The following SLC9C2 variants were observed in gnomAD, a reference collection of about 807,000 sequenced individuals.
SLC9C2 encodes solute carrier family 9 member C2 (putative), also known as sodium/hydrogen exchanger 11.
A neutral mutation model predicts 140.2 loss-of-function variants in SLC9C2; 75 were observed. That is an observed-to-expected ratio of 0.53 (90% CI 0.44 to 0.65). The LOEUF (loss-of-function observed/expected upper bound fraction) is 0.65, where lower values mean the gene tolerates loss of function less well. Ranked by LOEUF, SLC9C2 falls within the 30% of genes least tolerant of loss-of-function variation. SLC9C2 has a pLI of 0.00. For missense variants in SLC9C2, 1,074 were observed against 1,331.8 expected (o/e 0.81, Z 3.01); for synonymous variants, 375 against 420.9 (o/e 0.89, Z 1.34).
intron 9 of SLC9C2, among the ~76,000 whole-genome samples, chr1:173,558,852 C>G (rs753942215): frequency 6.6e-6 from 1 of 152,230 alleles, no homozygotes; most frequent in Non-Finnish European, 1.5e-5. Context: ...GGATAATTCC[C>G]TCCATTAAAG....
chr1:173,529,674 G>T (rs1277553114), intron 18 of SLC9C2, among the ~76,000 whole-genome samples: 1 of 150,000 alleles, frequency 6.7e-6, no homozygotes, highest in Non-Finnish European at 1.5e-5. Flanking sequence ...ACTCAGAAAA[G>T]AGATCATATG....
At chr1:173,580,780 G>T (rs950832054) in intron 7 of SLC9C2, among the ~76,000 whole-genome samples, 1 of 152,038 alleles carries the variant, frequency 6.6e-6, no homozygotes, top group South Asian at 2.1e-4. Flanking sequence ...AAAGCTCTTC[G>T]AGGACTAGTA....
In SLC9C2 at chr1:173,586,628, C is replaced by T. The variant is rs537116811; in HGVS notation, c.523+1037G>A. Among the ~76,000 whole-genome samples, 22 of 152,216 alleles carry T rather than the reference C, an allele frequency of 1.4e-4. No individual in the cohort carries two copies. The South Asian group carries it at 2.9e-3, about 20-fold the overall frequency. On this transcript the variant is annotated intron_variant, in intron 5 of 27. Transcript: ENST00000367714. Reference sequence around the variant, plus strand: ...ACAATAGCAAAGACATGGAACCAACCCAAATGCCCATCCATGATAGACTGG... The same window carrying T: ...ACAATAGCAAAGACATGGAACCAACTCAAATGCCCATCCATGATAGACTGG...
intron 22 of SLC9C2, among the ~76,000 whole-genome samples, chr1:173,519,296 G>C (rs1660639301): frequency 6.6e-6 from 1 of 152,064 alleles, no homozygotes; most frequent in Admixed American, 6.6e-5. Context: ...GAAGAAGCAA[G>C]GACTTCTGTT....
intron 9 of SLC9C2, among the ~76,000 whole-genome samples, chr1:173,565,483 G>A (rs1344713144): frequency 2.0e-5 from 3 of 152,078 alleles, no homozygotes; most frequent in African/African-American, 7.2e-5. Flanking sequence ...TCCAATATAC[G>A]TTCTTGTCAC....
Position 173,576,766 on chromosome 1 carries a change from G to T in SLC9C2, c.803-6C>A. On this transcript the variant is annotated splice_polypyrimidine_tract_variant and splice_region_variant and intron_variant, in intron 7 of 27. Coordinates refer to ENST00000367714, the MANE Select transcript of SLC9C2 (RefSeq NM_178527.4). ...TGACATTCCTAAAAATTCCACTGGG[G>T]AGAAAAAAAAAACAAATGAATCAAA... 6.4e-7 allele frequency: 1 copy of T among 1,550,840 alleles called. No individual in the cohort carries two copies.
At chr1:173,570,161 GGTACC>G (rs1454377304) in intron 9 of SLC9C2, among the ~76,000 whole-genome samples, 1 of 152,112 alleles carries the variant, frequency 6.6e-6, no homozygotes, top group Non-Finnish European at 1.5e-5. Context: ...TGGCCAAGCT[GGTACC>G]TGAAGCCAGC....
At chr1:173,594,645 T>A (rs182633763) in intron 4 of SLC9C2, among the ~76,000 whole-genome samples, 1 of 152,234 alleles carries the variant, frequency 6.6e-6, no homozygotes, top group African/African-American at 2.4e-5. Flanking sequence ...TCAGGGATGG[T>A]AGTATTATGT....
chr1:173,535,702 A>C, intron 15 of SLC9C2, 128 bp downstream of exon 15: 1 of 1,136,016 alleles, frequency 8.8e-7, no homozygotes, highest in Non-Finnish European at 1.2e-6. Flanking sequence ...AGCAAGCACC[A>C]CCCAATCAGT....
intron 21 of SLC9C2, among the ~76,000 whole-genome samples, 198 bp downstream of exon 21, chr1:173,523,771 C>T (rs79449051): frequency 1.3e-5 from 2 of 152,166 alleles, no homozygotes; most frequent in South Asian, 4.1e-4. Context: ...AGCGGATAAG[C>T]CATTGTGAAA....
rs765809379 is a variant in SLC9C2, at chr1:173,557,409, T to C, written c.1146A>G (p.Gly382=). The change falls in exon 10 of 28, where the codon GGA becomes GGG. Residue 382 remains glycine (G), a synonymous_variant. Coordinates refer to ENST00000367714, the MANE Select transcript of SLC9C2 (RefSeq NM_178527.4). ...CAGGAGCCCAGAGTAAATTAAAAACTCCTTTAATTCCAGACCACGTGATTA... is the reference window on the plus strand; with the variant it reads ...CAGGAGCCCAGAGTAAATTAAAAACCCCTTTAATTCCAGACCACGTGATTA... ...GVVITWSGIK[G]VFNLLWAPDV... is the part of the protein sequence containing the mutation. 3 of 1,613,664 alleles carry C rather than the reference T, an allele frequency of 1.9e-6. No homozygotes were observed. In the East Asian group the frequency reaches 6.7e-5, roughly 36 times the overall value.
Position 173,536,440 on chromosome 1 carries a change from T to C in SLC9C2, c.1656-491A>G, listed in dbSNP as rs140240193. Among the ~76,000 whole-genome samples the C allele has an allele frequency of 3.9e-3, 592 of 152,290 alleles. 5 individuals carry two copies. The highest frequency in any genetic ancestry group is 8.0e-3 in the African/African-American group (332 of 41,566). Reference sequence around the variant, plus strand: ...CCAGGACTGTAACCAGATATTGTTATATCTCCAAGATACTGAGCTTTTCCC... The same window carrying C: ...CCAGGACTGTAACCAGATATTGTTACATCTCCAAGATACTGAGCTTTTCCC... On this transcript the variant is annotated intron_variant, in intron 14 of 27. Transcript: ENST00000367714.
At chr1:173,588,020 A>G (rs545932506) in intron 4 of SLC9C2, among the ~76,000 whole-genome samples, 190 bp from the exon 5 acceptor site, 3 of 152,328 alleles carry the variant, frequency 2.0e-5, no homozygotes, top group African/African-American at 7.2e-5. Flanking sequence ...GCAAGATTCT[A>G]CCTTATTATT....
chr1:173,582,552 C>T (rs1297978860), intron 6 of SLC9C2, among the ~76,000 whole-genome samples: 2 of 152,122 alleles, frequency 1.3e-5, no homozygotes, highest in Admixed American at 6.5e-5. Flanking sequence ...CCCCAATGCC[C>T]GGTAGCTCCC....
At chr1:173,584,342 G>A (rs1351152573) in intron 5 of SLC9C2, among the ~76,000 whole-genome samples, 1 of 152,126 alleles carries the variant, frequency 6.6e-6, no homozygotes, top group Non-Finnish European at 1.5e-5. Context: ...ATTTCCAGAG[G>A]CTTGAGTAGA....
intron 11 of SLC9C2, among the ~76,000 whole-genome samples, chr1:173,550,866 C>T (rs1399433570): frequency 1.3e-5 from 1 of 75,832 alleles, no homozygotes; most frequent in Admixed American, 1.6e-4. Flanking sequence ...GATAGTGAGC[C>T]GTTGAAAGAG....
In SLC9C2 at chr1:173,529,908, A is replaced by T. The variant is rs1661455012; in HGVS notation, c.2310T>A (p.Tyr770Ter). 16 of 1,607,202 alleles carry T rather than the reference A, an allele frequency of 1.0e-5. No homozygotes were observed. Among genetic ancestry groups the T allele is most frequent in the Non-Finnish European group, 1.3e-5 (15 of 1,178,418 alleles). ...ATGACCAGTGCTTGTTTCTCACCTG[A>T]TATATTGATTCACAGACAGCTATTT... ...IKQIAVCESI[Y>*]QKLCEILETN... The change falls in exon 18 of 28, where the codon TAT becomes TAA. Residue 770 changes from tyrosine to a stop codon, truncating the protein, a stop_gained. Transcript: ENST00000367714. LOFTEE classifies it high-confidence loss of function.
At chr1:173,577,494 T>C (rs1665250706) in intron 7 of SLC9C2, among the ~76,000 whole-genome samples, 1 of 152,152 alleles carries the variant, frequency 6.6e-6, no homozygotes, top group Admixed American at 6.5e-5. Flanking sequence ...TCTGCAGTCT[T>C]AGGCTGCAGA....
intron 9 of SLC9C2, among the ~76,000 whole-genome samples, chr1:173,562,267 TG>T (rs1300581855): frequency 6.6e-6 from 1 of 152,210 alleles, no homozygotes; most frequent in East Asian, 1.9e-4. Flanking sequence ...TTTCTAATTT[TG>T]TACCTCATCA....
Sources: gnomAD v4.1 joint callset for allele counts (sites outside exome capture counted in the v4.1 genomes callset) on GRCh38, gnomAD v4.1.1 for gene constraint, MANE v1.5 for transcripts, NCBI Gene and HGNC (gene_info 2026-07-23, HGNC 2026-07-21) for gene names.